The following GABRA4 variants were observed in gnomAD, a reference collection of about 807,000 sequenced individuals.
The protein encoded by GABRA4 is gamma-aminobutyric acid receptor subunit alpha-4.
GABRA4 carries 12 observed loss-of-function variants against 49.7 expected under a neutral mutation model. The ratio of observed to expected loss-of-function variants is 0.24; its 90% CI spans 0.15 to 0.39. GABRA4 has a LOEUF of 0.39. Ranked by LOEUF, GABRA4 falls within the 10% of genes least tolerant of loss-of-function variation. GABRA4 has a pLI of 1.00. For missense variants in GABRA4, 506 were observed against 686.0 expected (o/e 0.74, Z 2.93); for synonymous variants, 288 against 240.2 (o/e 1.20, Z -1.84).
intron 8 of GABRA4, among the ~76,000 whole-genome samples, chr4:46,962,975 C>T (rs1036756297): frequency 4.0e-5 from 6 of 151,778 alleles, no homozygotes; most frequent in Admixed American, 2.0e-4. Context: ...ATTAAGACCA[C>T]CTCAAACCAT....
intron 2 of GABRA4, among the ~76,000 whole-genome samples, chr4:46,987,695 C>G (rs1723590857): frequency 6.6e-6 from 1 of 152,048 alleles, no homozygotes; most frequent in African/African-American, 2.4e-5. Flanking sequence ...TTTACTATAT[C>G]TGCCACCTTA....
intron 8 of GABRA4, among the ~76,000 whole-genome samples, chr4:46,960,715 C>T (rs1722545314): frequency 6.6e-6 from 1 of 151,052 alleles, no homozygotes; most frequent in Non-Finnish European, 1.5e-5. Flanking sequence ...TGAATTATGG[C>T]CAAAGTTGTT....
At chr4:46,943,769 C>T (rs545419784) in intron 8 of GABRA4, among the ~76,000 whole-genome samples, 1 of 152,150 alleles carries the variant, frequency 6.6e-6, no homozygotes, top group Non-Finnish European at 1.5e-5. Flanking sequence ...GAGGGACATA[C>T]TGCCTACAGA....
intron 8 of GABRA4, among the ~76,000 whole-genome samples, chr4:46,941,341 G>A (rs1416201688): frequency 1.3e-5 from 2 of 152,018 alleles, no homozygotes; most frequent in African/African-American, 4.8e-5. Flanking sequence ...TTCTTTGCTA[G>A]ATACTAGCTT....
At chr4:46,938,652 G>C (rs1721680319) in intron 8 of GABRA4, among the ~76,000 whole-genome samples, 1 of 151,972 alleles carries the variant, frequency 6.6e-6, no homozygotes, top group African/African-American at 2.4e-5. Context: ...GACAATGTTT[G>C]CCTACTGAAC....
chr4:46,984,079 GT>G (rs769681903), intron 2 of GABRA4, among the ~76,000 whole-genome samples: 3 of 152,032 alleles, frequency 2.0e-5, no homozygotes, highest in South Asian at 4.1e-4. Flanking sequence ...TACAGATATG[GT>G]TAAAGGGTGG....
chr4:46,975,769 G>A (rs1243870452), intron 5 of GABRA4, among the ~76,000 whole-genome samples: 1 of 151,864 alleles, frequency 6.6e-6, no homozygotes, highest in African/African-American at 2.4e-5. Flanking sequence ...GAACTAATTT[G>A]GGTAAAATTT....
At chr4:46,961,476 A>G (rs1349137309) in intron 8 of GABRA4, among the ~76,000 whole-genome samples, 3 of 151,842 alleles carry the variant, frequency 2.0e-5, no homozygotes, top group African/African-American at 7.3e-5. Flanking sequence ...TGCCCCACAC[A>G]AGTAAATGTA....
At chr4:46,977,344 G>T in intron 4 of GABRA4, 66 bp downstream of exon 4, 2 of 910,178 alleles carry the variant, frequency 2.2e-6, no homozygotes, top group Non-Finnish European at 3.3e-6. Flanking sequence ...AAGGAAGGAA[G>T]GAAGAAAGGA....
rs115835211 is a variant in GABRA4 at position 46,925,386 on chromosome 4, G to T, written c.*2839C>A. 4.6e-5 allele frequency: 7 copies of T among 151,934 alleles called. No individual in the cohort carries two copies. The highest frequency in any genetic ancestry group is 3.3e-4 in the Admixed American group (5 of 15,230). 9.4% of individuals were successfully genotyped at this position (151,934 alleles called of 1,614,324 possible). Reference sequence around the variant, plus strand: ...TGTTTATACCTAGTCATGCCTGGAGGAAATTGAAAGTAATTATGTAGCAGT... The same window carrying T: ...TGTTTATACCTAGTCATGCCTGGAGTAAATTGAAAGTAATTATGTAGCAGT... On this transcript the variant is annotated 3_prime_UTR_variant, in exon 9 of 9. Transcript: ENST00000264318.
rs1577758549 is a variant in GABRA4 at position 46,947,745 on chromosome 4, G to A, written c.1134+17225C>T. ...AGAGGCAGAGTCATTATTTGAACTT[G>A]GTTGTATGTGACTTAAAAGCATGTG... is the stretch of plus-strand genomic sequence containing the variant. On this transcript the variant is annotated intron_variant, in intron 8 of 8. Transcript: ENST00000264318. 2.0e-5 allele frequency among the ~76,000 whole-genome samples: 3 copies of A among 152,172 alleles called. No individual in the cohort carries two copies. The South Asian group carries it at 6.2e-4, about 32-fold the overall frequency.
intron 8 of GABRA4, among the ~76,000 whole-genome samples, chr4:46,945,875 G>T (rs543756005): frequency 6.6e-6 from 1 of 152,170 alleles, no homozygotes; most frequent in Non-Finnish European, 1.5e-5. Context: ...ATAGTCTCCA[G>T]GAATGTAAAT....
intron 7 of GABRA4, 124 bp downstream of exon 7, chr4:46,970,959 C>A: frequency 1.2e-6 from 1 of 855,242 alleles, no homozygotes. Context: ...AAAATGAAAG[C>A]CATGTGATTC....
At chr4:46,969,746 A>G (rs1722885343) in intron 7 of GABRA4, among the ~76,000 whole-genome samples, 1 of 151,474 alleles carries the variant, frequency 6.6e-6, no homozygotes, top group South Asian at 2.1e-4. Context: ...GGAGAAAATA[A>G]GTGGCAGATT....
rs1426417996 is a variant in GABRA4, at chr4:46,924,959, A to G, written c.*3266T>C. 6.6e-6 allele frequency: 1 copy of G among 151,922 alleles called. No homozygotes were observed. Among genetic ancestry groups the G allele is most frequent in the Non-Finnish European group, 1.5e-5 (1 of 67,934 alleles). 9.4% of individuals were successfully genotyped at this position (151,922 alleles called of 1,614,324 possible). A position where few individuals can be genotyped will look rare whatever the true frequency, so the allele number is the denominator to read the frequency against. ...ACTTGAAATTAAGTGACCCATCTCC[A>G]CACCTGGTGTCTTTTACTGGAGAAT... On this transcript the variant is annotated 3_prime_UTR_variant, in exon 9 of 9. Transcript: ENST00000264318.
chr4:46,980,512 G>A (rs975526412), intron 2 of GABRA4, among the ~76,000 whole-genome samples: 9 of 152,020 alleles, frequency 5.9e-5, no homozygotes, highest in East Asian at 1.9e-4. Flanking sequence ...TAGCTCGAGG[G>A]AGAATGAGAA....
intron 8 of GABRA4, among the ~76,000 whole-genome samples, chr4:46,944,676 T>C (rs562263917): frequency 8.3e-4 from 126 of 152,244 alleles, no homozygotes; most frequent in African/African-American, 2.8e-3. Context: ...TACCTCCCTT[T>C]TATAATTTCC....
chr4:46,940,344 C>A (rs148088063), intron 8 of GABRA4, among the ~76,000 whole-genome samples: 1 of 151,996 alleles, frequency 6.6e-6, no homozygotes, highest in Non-Finnish European at 1.5e-5. Flanking sequence ...AACATGAGCT[C>A]TATCTCTTGT....
At position 46,977,570 on chromosome 4, in the gene GABRA4, C is replaced by G; in HGVS notation, c.334G>C (p.Gly112Arg). The G allele has an allele frequency of 6.2e-7, 1 of 1,612,996 alleles. No individual in the cohort carries two copies. Among genetic ancestry groups the G allele is most frequent in the Non-Finnish European group, 8.5e-7 (1 of 1,179,400 alleles). Residue 112 changes from glycine (G) to arginine (R), a missense_variant, in exon 4 of 9, where the codon GGC (glycine) becomes CGC (arginine). Around this residue, in one of 5 missense-constraint regions of GABRA4, gnomAD observed 195 missense variants for 326.0 expected, o/e 0.60. Transcript: ENST00000264318. ...TTCAATCTCAAAATTTCAATGGGGC[C>G]GTCATATTTTAATCTTTTGTCAATC... ...TWIDKRLKYD[G>R]PIEILRLNNM...
Sources: gnomAD v4.1 joint callset for allele counts (sites outside exome capture counted in the v4.1 genomes callset) on GRCh38, gnomAD v4.1.1 for gene constraint, gnomAD v4.1.1 regional missense constraint, MANE v1.5 for transcripts, NCBI Gene and HGNC (gene_info 2026-07-23, HGNC 2026-07-21) for gene names.